CEP162: variants seen among roughly 807,000 people sequenced by gnomAD.
CEP162 encodes centrosomal protein of 162 kDa.
A neutral mutation model predicts 169.2 loss-of-function variants in CEP162; 141 were observed. The observed-to-expected ratio is 0.83, with a 90% CI of 0.73 to 0.96. The LOEUF is 0.96. CEP162 is among the 40% of genes least tolerant of loss of function. The probability of loss-of-function intolerance (pLI) is 0.00; values close to 1 mark genes in which losing one functional copy is unlikely to be tolerated. For synonymous variants in CEP162, 540 were observed against 526.4 expected, an observed-to-expected ratio of 1.03 and a Z score of -0.35; for missense variants, 1,600 against 1,587.2, an observed-to-expected ratio of 1.01 and a Z score of -0.14.
rs372809075 is a variant in CEP162 at position 84,174,911 on chromosome 6, A to G, written c.1841T>C (p.Leu614Pro). 174 of 1,586,034 alleles carry G rather than the reference A, an allele frequency of 1.1e-4. No individual in the cohort carries two copies. In the Middle Eastern group the frequency reaches 3.9e-3, roughly 35 times the overall value. Residue 614 changes from leucine to proline, a missense_variant, in exon 15 of 27, where the codon CTT (leucine) becomes CCT (proline). Transcript: ENST00000403245. Reference sequence around the variant, plus strand: ...TGCTTCCTGAACTCTTTTAAACATAAGTAATTTCTTCTCCTTGTTCTCACC... The same window carrying G: ...TGCTTCCTGAACTCTTTTAAACATAGGTAATTTCTTCTCCTTGTTCTCACC... ...YCGENKEKKL[L>P]MFKRVQEAED... is the part of the protein sequence containing the mutation.
chr6:84,157,203 C>T (rs2497154), intron 21 of CEP162, among the ~76,000 whole-genome samples: 3,679 of 152,236 alleles, frequency 0.024, 138 homozygotes, highest in African/African-American at 0.085. Flanking sequence ...GATTATGCTA[C>T]ACTTGTCAAT....
At chr6:84,175,917 T>C (rs1298555724) in intron 13 of CEP162, among the ~76,000 whole-genome samples, 2 of 152,042 alleles carry the variant, frequency 1.3e-5, no homozygotes, top group African/African-American at 4.8e-5. Flanking sequence ...GCAATATATA[T>C]TAAATTATAA....
Position 84,125,179 on chromosome 6 carries a change from T to C in CEP162, c.4103A>G (p.Lys1368Arg). 1 of 1,613,742 alleles carries C rather than the reference T, an allele frequency of 6.2e-7. No individual in the cohort carries two copies. Among genetic ancestry groups the C allele is most frequent in the Non-Finnish European group, 8.5e-7 (1 of 1,179,706 alleles). Residue 1368 changes from lysine to arginine, a missense_variant, in exon 27 of 27, where the codon AAG (lysine) becomes AGG (arginine). Physicochemically the swap from Lys to Arg is conservative, Grantham distance 26. Coordinates refer to ENST00000403245, the MANE Select transcript of CEP162 (RefSeq NM_014895.4). ...LAQLKNRELE[K>R]FRTELDSILD... ...TATTGAGTCTAGTTCTGTGCGGAAC[T>C]TCTCCAGCTCACGATTCTTTAACTG...
chr6:84,205,950 G>A (rs1033156164), intron 6 of CEP162, among the ~76,000 whole-genome samples: 4 of 148,580 alleles, frequency 2.7e-5, no homozygotes, highest in Non-Finnish European at 4.4e-5. Flanking sequence ...AGCCAAACAT[G>A]AGTGAACTCC....
At chr6:84,156,648 A>C (rs1338993304) in intron 21 of CEP162, among the ~76,000 whole-genome samples, 1 of 152,062 alleles carries the variant, frequency 6.6e-6, no homozygotes, top group East Asian at 1.9e-4. Flanking sequence ...CCATTATGGA[A>C]AACAGTGTGG....
intron 21 of CEP162, among the ~76,000 whole-genome samples, chr6:84,157,152 A>G (rs1044385387): frequency 1.3e-5 from 2 of 152,218 alleles, no homozygotes; most frequent in Non-Finnish European, 2.9e-5. Flanking sequence ...ATATATGGTC[A>G]CAAATATATG....
chr6:84,175,238 A>G lies in CEP162; in HGVS notation c.1773T>C (p.Thr591=). The change falls in exon 14 of 27, where the codon ACT becomes ACC. Residue 591 remains threonine, a synonymous_variant. Transcript: ENST00000403245. ...TRKKSENPTE[T]DSCIQFQTDS... ...CAGTCTGAAACTGAATACAGGAATC[A>G]GTTTCTGTGGGATTTTCAGACTTCT... The G allele has an allele frequency of 6.5e-7, 1 of 1,540,618 alleles. No individual in the cohort carries two copies. Among genetic ancestry groups the G allele is most frequent in the Non-Finnish European group, 8.8e-7 (1 of 1,140,874 alleles).
At chr6:84,213,168 G>C (rs1254184790) in intron 5 of CEP162, 144 bp from the exon 6 acceptor site, 1 of 483,858 alleles carries the variant, frequency 2.1e-6, no homozygotes, top group Non-Finnish European at 3.6e-6. Flanking sequence ...CTAAAAATTT[G>C]GGAACTTTAA....
chr6:84,203,546 G>A (rs113612204), intron 7 of CEP162, among the ~76,000 whole-genome samples: 2 of 152,292 alleles, frequency 1.3e-5, no homozygotes, highest in African/African-American at 4.8e-5. Flanking sequence ...CCTGGCTCAA[G>A]TGATCCTCCC....
intron 25 of CEP162, among the ~76,000 whole-genome samples, chr6:84,138,838 T>A (rs1314578000): frequency 6.6e-6 from 1 of 152,210 alleles, no homozygotes; most frequent in African/African-American, 2.4e-5. Context: ...AGTGCTTATG[T>A]TAACAAAGTT....
intron 5 of CEP162, among the ~76,000 whole-genome samples, chr6:84,213,709 T>G (rs2099550442): frequency 6.6e-6 from 1 of 152,218 alleles, no homozygotes; most frequent in African/African-American, 2.4e-5. Context: ...ACCGGCCTGT[T>G]CTACAGCAGA....
chr6:84,165,920 T>C (rs573442413), intron 18 of CEP162, among the ~76,000 whole-genome samples: 2 of 152,234 alleles, frequency 1.3e-5, no homozygotes, highest in Non-Finnish European at 2.9e-5. Context: ...AAAATTGATC[T>C]AAAAGTTGCC....
chr6:84,161,752 T>C lies in CEP162; in HGVS notation c.2670A>G (p.Lys890=), dbSNP rs1189208486. Residue 890 remains lysine (K), a synonymous_variant, in exon 20 of 27, where the codon AAA becomes AAG. Coordinates refer to ENST00000403245, the MANE Select transcript of CEP162 (RefSeq NM_014895.4). ...REANEEIEKL[K]LEIEKLKAES... is the part of the protein sequence containing the mutation. ...ATTCTGAAATATCTATTACCTCAAG[T>C]TTGAGCTTCTCAATTTCCTCATTTG... 1 of 1,586,976 alleles carries C rather than the reference T, an allele frequency of 6.3e-7. No homozygotes were observed. The highest frequency in any genetic ancestry group is 8.6e-7 in the Non-Finnish European group (1 of 1,166,128).
At chr6:84,207,210 A>G (rs1231457636) in intron 6 of CEP162, among the ~76,000 whole-genome samples, 1 of 152,220 alleles carries the variant, frequency 6.6e-6, no homozygotes, top group Admixed American at 6.5e-5. Flanking sequence ...CAGCGATCCC[A>G]TTACTGGGTA....
chr6:84,129,001 T>C (rs903436913), intron 25 of CEP162, among the ~76,000 whole-genome samples: 1 of 152,214 alleles, frequency 6.6e-6, no homozygotes, highest in African/African-American at 2.4e-5. Context: ...TTCATCCATG[T>C]TCCTGCAAAG....
intron 3 of CEP162, among the ~76,000 whole-genome samples, chr6:84,216,755 G>A (rs141091516): frequency 6.6e-6 from 1 of 152,124 alleles, no homozygotes; most frequent in Non-Finnish European, 1.5e-5. Context: ...TGCTGTTGGA[G>A]ATTTGTTTCA....
At chr6:84,184,629 A>G (rs953660415) in intron 13 of CEP162, among the ~76,000 whole-genome samples, 4 of 152,020 alleles carry the variant, frequency 2.6e-5, no homozygotes, top group Non-Finnish European at 5.9e-5. Context: ...TTTCCTTTGC[A>G]GGTTCCTCCT....
At chr6:84,201,819 A>G (rs1263472485) in intron 7 of CEP162, 52 bp from the exon 8 acceptor site, 3 of 898,826 alleles carry the variant, frequency 3.3e-6, no homozygotes, top group Non-Finnish European at 5.2e-6. Context: ...AATTATGTAA[A>G]ATTACCACAA....
Position 84,204,087 on chromosome 6 carries a change from CTG to C in CEP162, c.579_580del (p.Tyr193Ter), listed in dbSNP as rs2099545747. ...AACATACTCATCTTCAAAATCATCA[CTG>C]TAATTTTCTGAAGAAAGTAATTTTT... is the stretch of plus-strand genomic sequence containing the variant. On this transcript the variant is annotated stop_gained and frameshift_variant, in exon 7 of 27. Transcript: ENST00000403245. LOFTEE classifies it high-confidence loss of function. The C allele has an allele frequency of 6.3e-7, 1 of 1,575,902 alleles. No individual in the cohort carries two copies. The highest frequency in any genetic ancestry group is 1.4e-5 in the African/African-American group (1 of 73,284).
Sources: allele counts gnomAD v4.1 joint callset (sites outside exome capture counted in the v4.1 genomes callset), GRCh38; gene constraint gnomAD v4.1.1; transcripts MANE v1.5; gene names NCBI Gene and HGNC (gene_info 2026-07-23, HGNC 2026-07-21).